Variants in CPO observed in about 807,000 individuals in gnomAD.
The protein encoded by CPO is carboxypeptidase O, also known as metallocarboxypeptidase C.
A neutral mutation model predicts 41.2 loss-of-function variants in CPO; 43 were observed. That is an observed-to-expected ratio of 1.04 (90% CI 0.82 to 1.35). The LOEUF (loss-of-function observed/expected upper bound fraction) is 1.35. Among genes scored for constraint, CPO ranks in the 40% most tolerant of loss-of-function variants. The pLI, the probability that CPO is intolerant of heterozygous loss-of-function variation, is 0.00. For synonymous variants in CPO, 178 were observed against 162.7 expected (o/e 1.09, Z -0.72); for missense variants, 408 against 451.7 (o/e 0.90, Z 0.88).
intron 6 of CPO, 65 bp downstream of exon 6, chr2:206,961,007 T>G: frequency 9.1e-7 from 1 of 1,100,246 alleles, no homozygotes; most frequent in Non-Finnish European, 1.4e-6. Context: ...AAGAGGTGAA[T>G]TACTAAATGT....
chr2:206,963,258 G>A (rs1376753264), intron 7 of CPO, among the ~76,000 whole-genome samples: 1 of 152,132 alleles, frequency 6.6e-6, no homozygotes, highest in Non-Finnish European at 1.5e-5. Context: ...GTGAACCAGA[G>A]GACAACAGAC....
intron 6 of CPO, among the ~76,000 whole-genome samples, chr2:206,961,368 G>A (rs13423289): frequency 6.6e-6 from 1 of 152,100 alleles, no homozygotes; most frequent in Non-Finnish European, 1.5e-5. Flanking sequence ...CAGTGAATTG[G>A]AAGCAAATAA....
intron 1 of CPO, among the ~76,000 whole-genome samples, chr2:206,947,594 T>A (rs374996421): frequency 2.5e-4 from 38 of 152,206 alleles, no homozygotes; most frequent in African/African-American, 8.9e-4. Context: ...CAAAAGACAA[T>A]GTTAAGAAAC....
In CPO at chr2:206,969,169, T is replaced by G. The variant is rs1383453274; in HGVS notation, c.863-5T>G. 1 of 1,613,734 alleles carries G rather than the reference T, an allele frequency of 6.2e-7. No individual in the cohort carries two copies. The highest frequency in any genetic ancestry group is 8.5e-7 in the Non-Finnish European group (1 of 1,179,594). On this transcript the variant is annotated splice_polypyrimidine_tract_variant and splice_region_variant and intron_variant, in intron 8 of 8. Coordinates refer to ENST00000272852, the MANE Select transcript of CPO (RefSeq NM_173077.3). ...CTACCTCTGCCTTCATGTTTTCACC[T>G]GTAGATGCCTCATCAGGGTCTTCAA...
chr2:206,962,456 A>T lies in CPO; in HGVS notation c.619A>T (p.Thr207Ser), dbSNP rs765518342. 4 of 1,614,142 alleles carry T rather than the reference A, an allele frequency of 2.5e-6. 1 individual carries two copies. Residue 207 changes from threonine to serine, a missense_variant, in exon 7 of 9, where the codon ACA becomes TCA. Physicochemically the swap from Thr to Ser is moderately conservative, Grantham distance 58 (BLOSUM62 1). Coordinates refer to ENST00000272852, the MANE Select transcript of CPO (RefSeq NM_173077.3). ...CTGCCAAGATCAAACATTCTGTGGG[A>T]CAGGGCCAGTGTCTGAACCAGAGAC... is the stretch of plus-strand genomic sequence containing the variant. ...RNCQDQTFCG[T>S]GPVSEPETKA...
At chr2:206,948,935 G>T (rs1057413665) in intron 1 of CPO, among the ~76,000 whole-genome samples, 1 of 152,200 alleles carries the variant, frequency 6.6e-6, no homozygotes, top group African/African-American at 2.4e-5. Flanking sequence ...TGTTGTGTGG[G>T]ATGTCTATAG....
At chr2:206,943,331 TGA>T (rs1249133439) in intron 1 of CPO, among the ~76,000 whole-genome samples, 1 of 152,130 alleles carries the variant, frequency 6.6e-6, no homozygotes, top group Non-Finnish European at 1.5e-5. Flanking sequence ...ACAGCCAGTG[TGA>T]GGAATGAGAG....
At chr2:206,955,415 G>A in intron 2 of CPO, 48 bp from the exon 3 acceptor site, 1 of 1,058,330 alleles carries the variant, frequency 9.4e-7, no homozygotes, top group Non-Finnish European at 1.5e-6. Flanking sequence ...TCAGAGGCAT[G>A]CAAACAATCT....
intron 7 of CPO, among the ~76,000 whole-genome samples, chr2:206,963,036 T>G (rs1693510051): frequency 6.6e-6 from 1 of 152,318 alleles, no homozygotes; most frequent in South Asian, 2.1e-4. Flanking sequence ...CTAAATAATA[T>G]CTGCTCTCTT....
chr2:206,952,135 G>A (rs1005724358), intron 2 of CPO, among the ~76,000 whole-genome samples: 1 of 142,670 alleles, frequency 7.0e-6, no homozygotes, highest in Non-Finnish European at 1.5e-5. Flanking sequence ...TTTTTTTTGA[G>A]ACAGAGTCTT....
rs1264479472 is a variant in CPO at position 206,945,317 on chromosome 2, C to A, written c.69-4300C>A. ...GTATCACTATACAAAAGTTTGTACC[C>A]CAACAGCTCCAAAAGTTCATACTCC... On this transcript the variant is annotated intron_variant, in intron 1 of 8. Transcript: ENST00000272852. Among the ~76,000 whole-genome samples the A allele has an allele frequency of 2.6e-5, 4 of 152,130 alleles. No individual in the cohort carries two copies. In the East Asian group the frequency reaches 7.7e-4, roughly 29 times the overall value.
intron 3 of CPO, among the ~76,000 whole-genome samples, chr2:206,956,951 C>A (rs974156528): frequency 6.6e-5 from 10 of 151,996 alleles, no homozygotes; most frequent in South Asian, 4.1e-4. Context: ...CCAAAGCAGT[C>A]AAAAAGACAT....
chr2:206,950,586 C>G (rs879090944), intron 2 of CPO, among the ~76,000 whole-genome samples: 2 of 152,012 alleles, frequency 1.3e-5, no homozygotes, highest in Non-Finnish European at 2.9e-5. Flanking sequence ...GGGCATATAC[C>G]CAAAGGATTA....
At chr2:206,948,130 T>C (rs1178308430) in intron 1 of CPO, among the ~76,000 whole-genome samples, 1 of 152,224 alleles carries the variant, frequency 6.6e-6, no homozygotes, top group East Asian at 1.9e-4. Flanking sequence ...ACAGGGATGA[T>C]TATAGCAGCT....
chr2:206,960,871 C>A lies in CPO; in HGVS notation c.503C>A (p.Ser168Tyr). The part of the protein sequence containing the change: ...TWTTDRLWRK[S>Y]RSPHNNGTCF... ...CTACAGGATCGTCTTTGGAGGAAAT[C>A]CCGTTCACCCCATAATAATGGCACA... The change falls in exon 6 of 9, where the codon TCC becomes TAC. Residue 168 changes from serine (S) to tyrosine (Y), a missense_variant. Transcript: ENST00000272852. 6.2e-7 allele frequency: 1 copy of A among 1,613,408 alleles called. No individual in the cohort carries two copies. The highest frequency in any genetic ancestry group is 8.5e-7 in the Non-Finnish European group (1 of 1,179,346).
chr2:206,942,713 G>A (rs1478854122), intron 1 of CPO, among the ~76,000 whole-genome samples: 2 of 152,076 alleles, frequency 1.3e-5, no homozygotes, highest in South Asian at 2.1e-4. Flanking sequence ...GATGAGACTG[G>A]TGATAATTTG....
chr2:206,940,778 G>T (rs1041574354), intron 1 of CPO, among the ~76,000 whole-genome samples: 1 of 151,982 alleles, frequency 6.6e-6, no homozygotes, highest in East Asian at 1.9e-4. Flanking sequence ...AAGAAATCTT[G>T]CAATGAACTT....
At chr2:206,942,912 G>A (rs1298900240) in intron 1 of CPO, among the ~76,000 whole-genome samples, 1 of 152,040 alleles carries the variant, frequency 6.6e-6, no homozygotes, top group Non-Finnish European at 1.5e-5. Context: ...TTTTAATATC[G>A]GGGCTTTCAC....
rs1693415701 is a variant in CPO at position 206,958,499 on chromosome 2, T to G, written c.372+94T>G. ...TACAAACCACGCTTCTTTCACATGT[T>G]AGTGATGCAACTCTTTACTGTGCTA... On this transcript the variant is annotated intron_variant, in intron 4 of 8. Coordinates refer to ENST00000272852, the MANE Select transcript of CPO (RefSeq NM_173077.3). The G allele has an allele frequency of 7.6e-6, 5 of 656,506 alleles. No individual in the cohort carries two copies. In the South Asian group the frequency reaches 1.1e-4, roughly 14 times the overall value. The allele number at this position is 656,506 out of a possible 1,614,324, so 40.7% of individuals were successfully genotyped here.
Sources: gnomAD v4.1 joint callset for allele counts (sites outside exome capture counted in the v4.1 genomes callset) on GRCh38, gnomAD v4.1.1 for gene constraint, MANE v1.5 for transcripts, NCBI Gene and HGNC (gene_info 2026-07-23, HGNC 2026-07-21) for gene names.